HERC2: variants seen among roughly 807,000 people sequenced by gnomAD.
HERC2 encodes E3 ubiquitin-protein ligase HERC2.
A neutral mutation model predicts 537.7 loss-of-function variants in HERC2; 102 were observed. That is an observed-to-expected ratio of 0.19 (90% CI 0.16 to 0.22). HERC2 has a LOEUF of 0.22. HERC2 is among the 10% of genes least tolerant of loss of function. The pLI is 1.00. For missense variants in HERC2, 4,236 were observed against 6,198.2 expected (o/e 0.68, Z 10.63); for synonymous variants, 2,224 against 2,466.2 (o/e 0.90, Z 2.91).
intron 23 of HERC2, 29 bp downstream of exon 23, chr15:28,245,852 C>T (rs756023503): frequency 9.5e-6 from 15 of 1,583,616 alleles, no homozygotes; most frequent in South Asian, 1.1e-5. Flanking sequence ...TAAAACTTTC[C>T]TCAGTAAAAC....
chr15:28,251,201 T>G (rs1426582982), intron 20 of HERC2, among the ~76,000 whole-genome samples: 1 of 152,032 alleles, frequency 6.6e-6, no homozygotes, highest in Non-Finnish European at 1.5e-5. Context: ...CCAACACTTT[T>G]GGAGGCCAAG....
intron 11 of HERC2, 115 bp downstream of exon 11, chr15:28,269,133 A>AC: frequency 1.4e-6 from 1 of 739,352 alleles, no homozygotes; most frequent in Non-Finnish European, 2.2e-6. Context: ...AATAAACAGA[A>AC]CTTTGTCAAT....
At chr15:28,226,200 C>T (rs889232191) in intron 35 of HERC2, among the ~76,000 whole-genome samples, 7 of 152,162 alleles carry the variant, frequency 4.6e-5, no homozygotes, top group African/African-American at 1.7e-4. Flanking sequence ...GTTAAGATGG[C>T]ACTATTCCCC....
chr15:28,143,478 C>T (rs1891429691), intron 74 of HERC2, among the ~76,000 whole-genome samples: 2 of 151,940 alleles, frequency 1.3e-5, no homozygotes, highest in Admixed American at 6.5e-5. Context: ...GATGGAGTCT[C>T]GCTCTGTCAC....
At chr15:28,195,422 C>A (rs1195700498) in intron 52 of HERC2, among the ~76,000 whole-genome samples, 4 of 152,120 alleles carry the variant, frequency 2.6e-5, no homozygotes, top group African/African-American at 4.8e-5. Flanking sequence ...GATCGTGCCA[C>A]TGCAGTCCAG....
At chr15:28,143,818 A>G in intron 74 of HERC2, 55 bp downstream of exon 74, 1 of 1,608,852 alleles carries the variant, frequency 6.2e-7, no homozygotes, top group Non-Finnish European at 8.5e-7. Context: ...TACTAAAGCA[A>G]CATTTTATTC....
Position 28,280,304 on chromosome 15 carries a change from G to T in HERC2, c.323-17C>A, listed in dbSNP as rs1350825983. On this transcript the variant is annotated splice_polypyrimidine_tract_variant and intron_variant, in intron 4 of 92. Transcript: ENST00000261609. ...CATTCACATCTAGAAAATAAGACAA[G>T]AAAACATCTCACCTGTGGACAATGT... 3 of 1,586,438 alleles carry T rather than the reference G, an allele frequency of 1.9e-6. No individual in the cohort carries two copies. In the African/African-American group the frequency reaches 4.1e-5, roughly 21 times the overall value.
chr15:28,169,355 A>T (rs1202377007), intron 66 of HERC2, 129 bp downstream of exon 66: 1 of 626,450 alleles, frequency 1.6e-6, no homozygotes, highest in Non-Finnish European at 2.7e-6. Context: ...CTTGTGACTT[A>T]CAACATACAG....
At position 28,178,868 on chromosome 15, in the gene HERC2, C is replaced by G. The variant is rs1895553099; in HGVS notation, c.9163+19G>C. 2 of 1,609,792 alleles carry G rather than the reference C, an allele frequency of 1.2e-6. No homozygotes were observed. The highest frequency in any genetic ancestry group is 2.2e-5 in the South Asian group (2 of 90,864). On this transcript the variant is annotated intron_variant, in intron 59 of 92. Transcript: ENST00000261609. ...AGCAAAGGCCGCCCCGCACAGGCCT[C>G]CTGGTGCTTGGCTTGTACCTGAGTG...
chr15:28,158,749 AT>A (rs1261369079), intron 69 of HERC2, among the ~76,000 whole-genome samples: 3 of 151,678 alleles, frequency 2.0e-5, no homozygotes, highest in Admixed American at 1.3e-4. Context: ...TAAGGTTAAT[AT>A]TATTATGTGT....
At chr15:28,183,037 A>G (rs890739569) in intron 56 of HERC2, among the ~76,000 whole-genome samples, 3 of 152,154 alleles carry the variant, frequency 2.0e-5, no homozygotes, top group Non-Finnish European at 4.4e-5. Context: ...ACATGTCCCA[A>G]TGTAAAATGC....
intron 16 of HERC2, among the ~76,000 whole-genome samples, chr15:28,258,560 G>A (rs930847167): frequency 7.2e-5 from 11 of 152,028 alleles, no homozygotes; most frequent in Admixed American, 1.3e-4. Flanking sequence ...ATGAAAATGC[G>A]CCAAAATTTG....
intron 83 of HERC2, among the ~76,000 whole-genome samples, chr15:28,125,487 C>T (rs1408614442): frequency 1.3e-5 from 2 of 152,166 alleles, no homozygotes; most frequent in African/African-American, 4.8e-5. Flanking sequence ...GGTCTTAAGC[C>T]TCCAACAGTG....
chr15:28,228,157 A>G (rs1435744036), intron 35 of HERC2, 61 bp downstream of exon 35: 2 of 1,431,924 alleles, frequency 1.4e-6, no homozygotes, highest in African/African-American at 2.9e-5. Context: ...AAAGAAAAGA[A>G]AAGAAATCAA....
At chr15:28,240,190 GGGCA>G (rs1902925679) in intron 23 of HERC2, among the ~76,000 whole-genome samples, 2 of 152,176 alleles carry the variant, frequency 1.3e-5, no homozygotes, top group Non-Finnish European at 2.9e-5. Flanking sequence ...AGGCCAAGGT[GGGCA>G]GATCACAAGG....
intron 23 of HERC2, among the ~76,000 whole-genome samples, chr15:28,244,318 GA>G (rs751009189): frequency 2.0e-5 from 3 of 152,158 alleles, no homozygotes; most frequent in Non-Finnish European, 4.4e-5. Flanking sequence ...GTGAAGCTCA[GA>G]AACCAAAAGG....
chr15:28,248,677 C>T lies in HERC2; in HGVS notation c.3110G>A (p.Cys1037Tyr). ...LKDVARRISSCLDFEQHSRER... is the reference protein window; with the variant it reads ...LKDVARRISSYLDFEQHSRER... ...ACGACTGTGTTGCTCAAAGTCCAGA[C>T]ATGATGAAATCCGACGGGCAACATC... is the stretch of plus-strand genomic sequence containing the variant. Residue 1037 changes from cysteine (C) to tyrosine (Y), a missense_variant, in exon 21 of 93, where the codon TGT becomes TAT. This residue lies in a region of HERC2 where 754 missense variants were observed against 1,085.0 expected (regional missense o/e 0.69). Transcript: ENST00000261609. 6.2e-7 allele frequency: 1 copy of T among 1,614,014 alleles called. No homozygotes were observed. The highest frequency in any genetic ancestry group is 8.5e-7 in the Non-Finnish European group (1 of 1,179,922).
rs2075637845 is a variant in HERC2, at chr15:28,268,715, G to GT, written c.1447-100dup. ...CATGTATCCCCAAGCAAAGCCTGCT[G>GT]TAACTCCAAGTGGGGCATAAGTCTC... On this transcript the variant is annotated intron_variant, in intron 11 of 92. Transcript: ENST00000261609. The surrounding 1 kb of genome is among the most constrained non-coding windows in gnomAD (Gnocchi z 4.7). 2 of 972,934 alleles carry GT rather than the reference G, an allele frequency of 2.1e-6. No homozygotes were observed. Among genetic ancestry groups the GT allele is most frequent in the African/African-American group, 3.2e-5 (2 of 61,724 alleles). The allele number at this position is 972,934 out of a possible 1,614,324, so 60.3% of individuals were successfully genotyped here.
chr15:28,174,115 T>A (rs78897550), intron 65 of HERC2, among the ~76,000 whole-genome samples: 2 of 150,686 alleles, frequency 1.3e-5, no homozygotes, highest in Non-Finnish European at 2.9e-5. Context: ...AGTGCCTGTA[T>A]CTCTCAGGCA....
Sources: allele counts gnomAD v4.1 joint callset (sites outside exome capture counted in the v4.1 genomes callset), GRCh38; gene constraint gnomAD v4.1.1; regional missense constraint gnomAD v4.1.1; non-coding constraint Gnocchi (gnomAD v3.1); transcripts MANE v1.5; gene names NCBI Gene and HGNC (gene_info 2026-07-23, HGNC 2026-07-21).